WDR81: variants seen among roughly 807,000 people sequenced by gnomAD.
WDR81 encodes the protein WD repeat domain 81.
WDR81 carries 92 observed loss-of-function variants against 140.8 expected under a neutral mutation model. That is an observed-to-expected ratio of 0.65 (90% CI 0.55 to 0.78). The LOEUF (loss-of-function observed/expected upper bound fraction) is 0.78, where lower values mean the gene tolerates loss of function less well. WDR81 is among the 30% of genes least tolerant of loss of function. The pLI, the probability that WDR81 is intolerant of heterozygous loss-of-function variation, is 0.00. For missense variants in WDR81, 2,502 were observed against 2,636.4 expected (o/e 0.95, Z 1.12); for synonymous variants, 1,183 against 1,156.4 (o/e 1.02, Z -0.47).
In WDR81 at chr17:1,727,377, C is replaced by T. The variant is rs993965694; in HGVS notation, c.2418C>T (p.Leu806=). The change falls in exon 1 of 10, where the codon CTC becomes CTT. Residue 806 remains leucine (L), a synonymous_variant. Transcript: ENST00000409644. The stretch of plus-strand genomic sequence containing the variant: ...TACGCTTCCAGGCTGTCCGAGGGCT[C>T]TGCACGCGCCACCCCAAGGAGGTCC... ...LWVRFQAVRG[L]CTRHPKEVPV... 10 of 1,550,140 alleles carry T rather than the reference C, an allele frequency of 6.5e-6. No individual in the cohort carries two copies. Among genetic ancestry groups the T allele is most frequent in the Admixed American group, 2.0e-5 (1 of 50,986 alleles).
Position 1,725,089 on chromosome 17 carries a change from C to A in WDR81, c.130C>A (p.Gln44Lys). Residue 44 changes from glutamine to lysine, a missense_variant, in exon 1 of 10, where the codon CAG (glutamine) becomes AAG (lysine). Gln to Lys is a moderately conservative substitution (Grantham distance 53). Around this residue, in one of 3 missense-constraint regions of WDR81, gnomAD observed 547 missense variants for 513.8 expected, o/e 1.06. Coordinates refer to ENST00000409644, the MANE Select transcript of WDR81 (RefSeq NM_001163809.2). The stretch of plus-strand genomic sequence containing the variant: ...GAGGGACCTGAGCATCGATCCCAGG[C>A]AGCTGGCTCCGGCCCCGGGGGGCAC... ...VERDLSIDPR[Q>K]LAPAPGGTHV... is the part of the protein sequence containing the mutation. 6.7e-7 allele frequency: 1 copy of A among 1,499,696 alleles called. No individual in the cohort carries two copies. The highest frequency in any genetic ancestry group is 8.9e-7 in the Non-Finnish European group (1 of 1,124,872). 92.9% of individuals were successfully genotyped at this position (1,499,696 alleles called of 1,614,324 possible). A position where few individuals can be genotyped will look rare whatever the true frequency, so the allele number is the denominator to read the frequency against.
chr17:1,718,379 A>G (rs1317935432), intron 1 of WDR81, among the ~76,000 whole-genome samples: 1 of 152,144 alleles, frequency 6.6e-6, no homozygotes, highest in Non-Finnish European at 1.5e-5. Context: ...CGGTCTCCCA[A>G]AGTGCTAGGA....
Position 1,733,748 on chromosome 17 carries a change from C to G in WDR81, c.4711C>G (p.Pro1571Ala). 6.2e-7 allele frequency: 1 copy of G among 1,612,604 alleles called. No homozygotes were observed. The highest frequency in any genetic ancestry group is 8.5e-7 in the Non-Finnish European group (1 of 1,179,838). Reference sequence around the variant, plus strand: ...CCTGGTGGGGAACCGCATTCAGATCCCCAATGACTCTCGGCCTGAGAACCC... The same window carrying G: ...CCTGGTGGGGAACCGCATTCAGATCGCCAATGACTCTCGGCCTGAGAACCC... ...SVLVGNRIQI[P>A]NDSRPENPGP... Residue 1571 changes from proline to alanine, a missense_variant, in exon 7 of 10, where the codon CCC becomes GCC. By Grantham distance (27) the Pro-to-Ala change is conservative (BLOSUM62 -1). Coordinates refer to ENST00000409644, the MANE Select transcript of WDR81 (RefSeq NM_001163809.2).
chr17:1,724,805 C>T lies in WDR81; in HGVS notation c.-155C>T. On this transcript the variant is annotated 5_prime_UTR_variant, in exon 1 of 10. Coordinates refer to ENST00000409644, the MANE Select transcript of WDR81 (RefSeq NM_001163809.2). ...CGGAGGGGTAAGCGCGCCCCCCGTC[C>T]GCCTCTTCGCCGCCGCCGGCTTCCT... The T allele has an allele frequency of 2.5e-6, 3 of 1,193,800 alleles. No homozygotes were observed. The highest frequency in any genetic ancestry group is 2.1e-6 in the Non-Finnish European group (2 of 963,432). The allele number at this position is 1,193,800 out of a possible 1,614,324, so 74.0% of individuals were successfully genotyped here.
Position 1,733,760 on chromosome 17 carries a change from C to T in WDR81, c.4723C>T (p.Arg1575Trp), listed in dbSNP as rs543240690. 5.6e-5 allele frequency: 91 copies of T among 1,612,570 alleles called. No homozygotes were observed. The Middle Eastern group carries it at 6.6e-4, about 12-fold the overall frequency. The change falls in exon 7 of 10, where the codon CGG becomes TGG. Residue 1575 changes from arginine to tryptophan, a missense_variant. Physicochemically the swap from Arg to Trp is moderately radical, Grantham distance 101 (BLOSUM62 -3). Transcript: ENST00000409644. The part of the protein sequence containing the change: ...GNRIQIPNDS[R>W]PENPGPLGPI... ...CCGCATTCAGATCCCCAATGACTCTCGGCCTGAGAACCCCGGACCACTGGG... is the reference window on the plus strand; with the variant it reads ...CCGCATTCAGATCCCCAATGACTCTTGGCCTGAGAACCCCGGACCACTGGG...
chr17:1,724,641 C>T (rs1240396433), upstream of WDR81: 2 of 1,020,610 alleles, frequency 2.0e-6, no homozygotes, highest in Non-Finnish European at 2.3e-6. Context: ...AGCGGGGTCC[C>T]GCCCGGGCCT....
upstream of WDR81, among the ~76,000 whole-genome samples, chr17:1,720,918 C>G (rs1914829925): frequency 6.6e-6 from 1 of 152,044 alleles, no homozygotes; most frequent in Non-Finnish European, 1.5e-5. Context: ...AGGAGAATTT[C>G]AAGAGGTAAA....
intron 6 of WDR81, 121 bp from the exon 7 acceptor site, chr17:1,733,406 A>C: frequency 1.1e-6 from 1 of 944,574 alleles, no homozygotes; most frequent in Non-Finnish European, 1.6e-6. Context: ...AGACAGAGTT[A>C]CTTGCCCAGA....
intron 4 of WDR81, 24 bp from the exon 5 acceptor site, chr17:1,732,301 G>C: frequency 1.2e-6 from 2 of 1,607,468 alleles, no homozygotes; most frequent in Non-Finnish European, 1.7e-6. Context: ...ACGGCGGGCT[G>C]GAGCTCATGA....
chr17:1,716,632 C>T, exon 1 of WDR81: 1 of 1,551,706 alleles, frequency 6.4e-7, no homozygotes, highest in Non-Finnish European at 8.7e-7. Flanking sequence ...CCAGCGCGCT[C>T]TGTGAGTTGG....
chr17:1,726,755 C>T lies in WDR81; in HGVS notation c.1796C>T (p.Ala599Val), dbSNP rs1486085175. The T allele has an allele frequency of 1.3e-6, 2 of 1,547,508 alleles. No homozygotes were observed. The highest frequency in any genetic ancestry group is 1.7e-6 in the Non-Finnish European group (2 of 1,146,382). The change falls in exon 1 of 10, where the codon GCC (alanine) becomes GTC (valine). Residue 599 changes from alanine (A) to valine (V), a missense_variant. Ala to Val is a moderately conservative substitution (Grantham distance 64). Around this residue, in one of 3 missense-constraint regions of WDR81, gnomAD observed 1,737 missense variants for 1,843.0 expected, o/e 0.94. Coordinates refer to ENST00000409644, the MANE Select transcript of WDR81 (RefSeq NM_001163809.2). ...CGCCTGGCTGGGGCTCCTGCCCTTG[C>T]CCCCGAGCCTCCCCTCATCCCCAAG... is the stretch of plus-strand genomic sequence containing the variant. Reference protein sequence around the residue: ...PQRLAGAPALAPEPPLIPKLL... With the variant: ...PQRLAGAPALVPEPPLIPKLL...
At position 1,728,198 on chromosome 17, in the gene WDR81, C is replaced by T. The variant is rs1438566192; in HGVS notation, c.3239C>T (p.Pro1080Leu). The change falls in exon 1 of 10, where the codon CCT becomes CTT. Residue 1080 changes from proline to leucine, a missense_variant. Around this residue, in one of 3 missense-constraint regions of WDR81, gnomAD observed 1,737 missense variants for 1,843.0 expected, o/e 0.94. Transcript: ENST00000409644. ...GVSFHDQADL[P>L]ETEDFQAGLY... ...AGCTTCCACGACCAGGCTGACCTCC[C>T]TGAGACAGAGGACTTCCAAGCCGGG... 7 of 1,605,852 alleles carry T rather than the reference C, an allele frequency of 4.4e-6. No individual in the cohort carries two copies. The highest frequency in any genetic ancestry group is 6.0e-6 in the Non-Finnish European group (7 of 1,174,536).
chr17:1,720,632 C>T (rs1029914668), upstream of WDR81, among the ~76,000 whole-genome samples: 1 of 151,898 alleles, frequency 6.6e-6, no homozygotes, highest in African/African-American at 2.4e-5. Context: ...CAAAAGTTAG[C>T]CAGGCGCCTG....
At chr17:1,724,008 A>G (rs1341723361), upstream of WDR81, among the ~76,000 whole-genome samples, 3 of 152,134 alleles carry the variant, frequency 2.0e-5, no homozygotes, top group African/African-American at 4.8e-5. Flanking sequence ...AGTACTTAGG[A>G]AAGTTAAAAA....
Position 1,725,928 on chromosome 17 carries a change from G to A in WDR81, c.969G>A (p.Glu323=). Residue 323 remains glutamate (E), a synonymous_variant, in exon 1 of 10, where the codon GAG becomes GAA. Transcript: ENST00000409644. The part of the protein sequence containing the change: ...ENEEAPVARD[E]AGIVSQEEQG... ...AGGAGGCCCCTGTGGCAAGGGATGA[G>A]GCGGGCATTGTGTCTCAAGAGGAGC... The A allele has an allele frequency of 6.4e-7, 1 of 1,550,820 alleles. No individual in the cohort carries two copies.
At position 1,725,742 on chromosome 17, in the gene WDR81, G is replaced by A. The variant is rs894948528; in HGVS notation, c.783G>A (p.Leu261=). ...AKLTNSQAKV[L]FILFRVLRAM... is the part of the protein sequence containing the mutation. ...TGACCAACAGCCAGGCCAAGGTGCT[G>A]TTCATTCTCTTCCGCGTGCTGAGGG... The change falls in exon 1 of 10, where the codon CTG becomes CTA. Residue 261 remains leucine (L), a synonymous_variant. Transcript: ENST00000409644. The A allele has an allele frequency of 6.4e-7, 1 of 1,550,630 alleles. No homozygotes were observed. The highest frequency in any genetic ancestry group is 8.7e-7 in the Non-Finnish European group (1 of 1,147,040).
rs143696120 is a variant in WDR81, at chr17:1,733,822, C to T, written c.4785C>T (p.Ser1595=). 7.5e-5 allele frequency: 121 copies of T among 1,612,322 alleles called. No individual in the cohort carries two copies. In the African/African-American group the frequency reaches 8.4e-4, roughly 11 times the overall value. ...ISGVGGGGLG[S]GSDDNALKQE... ...GGGTGGGTGGCGGGGGCCTGGGCAGCGGGAGCGACGACAACGCCCTGAAGC... is the reference window on the plus strand; with the variant it reads ...GGGTGGGTGGCGGGGGCCTGGGCAGTGGGAGCGACGACAACGCCCTGAAGC... The change falls in exon 7 of 10, where the codon AGC becomes AGT. Residue 1595 remains serine (S), a synonymous_variant. Transcript: ENST00000409644.
In WDR81 at chr17:1,727,031, C is replaced by T; in HGVS notation, c.2072C>T (p.Ser691Phe). The change falls in exon 1 of 10, where the codon TCT (serine) becomes TTT (phenylalanine). Residue 691 changes from serine (S) to phenylalanine (F), a missense_variant. Coordinates refer to ENST00000409644, the MANE Select transcript of WDR81 (RefSeq NM_001163809.2). ...SSSQASPGLL[S>F]FSVASASRPG... ...AGTCAAGCGTCCCCTGGACTTCTCT[C>T]TTTCTCAGTGGCCTCAGCCTCCCGT... 1.3e-6 allele frequency: 2 copies of T among 1,550,398 alleles called. No individual in the cohort carries two copies. Among genetic ancestry groups the T allele is most frequent in the African/African-American group, 1.4e-5 (1 of 73,174 alleles).
Position 1,725,530 on chromosome 17 carries a change from C to T in WDR81, c.571C>T (p.Pro191Ser), listed in dbSNP as rs1417514171. Residue 191 changes from proline to serine, a missense_variant, in exon 1 of 10, where the codon CCA becomes TCA. Transcript: ENST00000409644. ...GAGGGTCTATGGTTGCTCCTTCCTG[C>T]CAGTGGGTGAAACTACCCAATGCCC... ...LQRVYGCSFL[P>S]VGETTQCPSY... 1.1e-5 allele frequency: 17 copies of T among 1,545,308 alleles called. No homozygotes were observed. Among genetic ancestry groups the T allele is most frequent in the East Asian group, 7.3e-5 (3 of 40,930 alleles).
Sources: gnomAD v4.1 joint callset for allele counts (sites outside exome capture counted in the v4.1 genomes callset) on GRCh38, gnomAD v4.1.1 for gene constraint, gnomAD v4.1.1 regional missense constraint, MANE v1.5 for transcripts, NCBI Gene and HGNC (gene_info 2026-07-23, HGNC 2026-07-21) for gene names.